Variants in EDA observed in about 807,000 individuals in gnomAD.
EDA encodes the protein ectodysplasin A.
EDA carries 2 observed loss-of-function variants against 23.6 expected under a neutral mutation model. The ratio of observed to expected loss-of-function variants is 0.08; its 90% CI spans 0.03 to 0.27. The LOEUF (loss-of-function observed/expected upper bound fraction) is 0.27. Ranked by LOEUF, EDA falls within the 10% of genes least tolerant of loss-of-function variation. The pLI is 1.00. For synonymous variants in EDA, 131 were observed against 132.0 expected, an observed-to-expected ratio of 0.99 and a Z score of 0.05; for missense variants, 229 against 324.2, an observed-to-expected ratio of 0.71 and a Z score of 2.26.
At chrX:69,953,388 A>ACTGAC (rs1205410646) in intron 1 of EDA, among the ~76,000 whole-genome samples, 1 of 112,286 alleles carries the variant, frequency 8.9e-6, no homozygotes, top group Non-Finnish European at 1.9e-5. Context: ...GATTAAAAAT[A>ACTGAC]CTGACAGTAC....
intron 1 of EDA, among the ~76,000 whole-genome samples, chrX:69,705,841 C>G (rs200736837): frequency 1.8e-5 from 2 of 112,061 alleles, no homozygotes; most frequent in South Asian, 7.4e-4. Flanking sequence ...TTAGGTAAAA[C>G]AAGGTACAAA....
chrX:69,736,774 C>CT (rs3047817), intron 1 of EDA, among the ~76,000 whole-genome samples: 33,862 of 89,198 alleles, frequency 0.38, 6,917 homozygotes, highest in Middle Eastern at 0.65. Context: ...CTTACTCCAA[C>CT]TTTTTTTTTT....
At chrX:69,816,397 G>T (rs190174520) in intron 1 of EDA, among the ~76,000 whole-genome samples, 1 of 110,972 alleles carries the variant, frequency 9.0e-6, no homozygotes, top group Non-Finnish European at 1.9e-5. Flanking sequence ...AATGAACTTC[G>T]CTGAGCTAAA....
At chrX:69,721,259 C>A (rs761362978) in intron 1 of EDA, among the ~76,000 whole-genome samples, 73 of 111,940 alleles carry the variant, frequency 6.5e-4, no homozygotes, top group African/African-American at 2.2e-3. Context: ...TAGTCTTCCT[C>A]CAAAAGTGTT....
At chrX:69,709,854 T>TC (rs1015594671) in intron 1 of EDA, among the ~76,000 whole-genome samples, 1 of 111,470 alleles carries the variant, frequency 9.0e-6, no homozygotes, top group African/African-American at 3.3e-5. Context: ...CTTTTTTTTT[T>TC]CTTGTAAATT....
chrX:69,989,227 C>T (rs2019549070), intron 2 of EDA, among the ~76,000 whole-genome samples: 2 of 112,157 alleles, frequency 1.8e-5, no homozygotes, highest in East Asian at 2.8e-4. Context: ...ATCCAGAAGC[C>T]TTGTCAGTCA....
intron 1 of EDA, among the ~76,000 whole-genome samples, chrX:69,657,597 A>G (rs1221192877): frequency 8.9e-6 from 1 of 112,219 alleles, no homozygotes; most frequent in Non-Finnish European, 1.9e-5. Context: ...CTAGGATTTT[A>G]TAGTGGGACA....
chrX:69,892,792 C>T (rs1050722628), intron 1 of EDA, among the ~76,000 whole-genome samples: 1 of 111,554 alleles, frequency 9.0e-6, no homozygotes, highest in African/African-American at 3.3e-5. Flanking sequence ...GAGAAGTGTT[C>T]TTCAGGTCAT....
At chrX:69,877,420 A>G (rs762011814) in intron 1 of EDA, among the ~76,000 whole-genome samples, 3 of 112,711 alleles carry the variant, frequency 2.7e-5, no homozygotes, top group East Asian at 5.6e-4. Flanking sequence ...ATAAGCATAT[A>G]GCAAAATTCC....
intron 1 of EDA, among the ~76,000 whole-genome samples, chrX:69,639,800 C>T (rs1932820381): frequency 9.0e-6 from 1 of 111,517 alleles, no homozygotes; most frequent in African/African-American, 3.3e-5. Flanking sequence ...TGTGTATGTG[C>T]TTTTGGTATC....
chrX:69,869,915 G>C (rs1413217758), intron 1 of EDA, among the ~76,000 whole-genome samples: 2 of 111,936 alleles, frequency 1.8e-5, no homozygotes, highest in African/African-American at 6.5e-5. Context: ...CAATTACAGG[G>C]CTATTCAAAG....
At chrX:69,981,204 G>C (rs1237138531) in intron 2 of EDA, among the ~76,000 whole-genome samples, 1 of 111,424 alleles carries the variant, frequency 9.0e-6, no homozygotes, top group Non-Finnish European at 1.9e-5. Context: ...TATGTCAGTA[G>C]GATAGGACCT....
chrX:69,728,991 C>A (rs1165093544), intron 1 of EDA, among the ~76,000 whole-genome samples: 1 of 111,450 alleles, frequency 9.0e-6, no homozygotes, highest in African/African-American at 3.3e-5. Context: ...TATATAAAAA[C>A]CAAATAAAAT....
intron 1 of EDA, among the ~76,000 whole-genome samples, chrX:69,628,868 G>C (rs1932476285): frequency 9.0e-6 from 1 of 110,934 alleles, no homozygotes; most frequent in Non-Finnish European, 1.9e-5. Context: ...GCTGTATTTG[G>C]CTTAGATGAT....
At chrX:69,732,501 G>A (rs1208814121) in intron 1 of EDA, among the ~76,000 whole-genome samples, 1 of 112,111 alleles carries the variant, frequency 8.9e-6, no homozygotes, top group Admixed American at 9.5e-5. Context: ...GTCTATCATT[G>A]TTCAACATTT....
chrX:69,821,116 C>A (rs1182685101), intron 1 of EDA, among the ~76,000 whole-genome samples: 7 of 110,327 alleles, frequency 6.3e-5, no homozygotes, highest in Non-Finnish European at 1.3e-4. Flanking sequence ...AGCCATTATC[C>A]TCAGCAAACT....
chrX:69,753,787 G>T (rs1333258927), intron 1 of EDA, among the ~76,000 whole-genome samples: 2 of 111,656 alleles, frequency 1.8e-5, no homozygotes, highest in Non-Finnish European at 1.9e-5. Context: ...ATTTAGGATA[G>T]TTGGCTCTTC....
intron 1 of EDA, among the ~76,000 whole-genome samples, chrX:69,626,887 G>T (rs1462184944): frequency 9.0e-6 from 1 of 111,434 alleles, no homozygotes; most frequent in Non-Finnish European, 1.9e-5. Context: ...TAAGTGTCTG[G>T]CACATAGAAG....
At chrX:69,623,350 G>C (rs1006706219) in intron 1 of EDA, among the ~76,000 whole-genome samples, 1 of 111,776 alleles carries the variant, frequency 8.9e-6, no homozygotes, top group Non-Finnish European at 1.9e-5. Flanking sequence ...TTGATCCATA[G>C]AATGACACAC....
Sources: gnomAD v4.1 joint callset for allele counts (sites outside exome capture counted in the v4.1 genomes callset) on GRCh38, gnomAD v4.1.1 for gene constraint, MANE v1.5 for transcripts, NCBI Gene and HGNC (gene_info 2026-07-23, HGNC 2026-07-21) for gene names.